Variants in AKAP13 observed in about 807,000 individuals in gnomAD.
AKAP13 encodes the protein A-kinase anchor protein 13.
In AKAP13, 80 loss-of-function variants were observed where a neutral mutation model predicts 264.5. The observed-to-expected ratio is 0.30, with a 90% confidence interval of 0.25 to 0.36. The LOEUF (loss-of-function observed/expected upper bound fraction) is 0.36, where lower values mean the gene tolerates loss of function less well. Among genes scored for constraint, AKAP13 ranks in the 10% least tolerant of loss-of-function variants. The probability of loss-of-function intolerance (pLI) is 1.00; values close to 1 mark genes in which losing one functional copy is unlikely to be tolerated. For synonymous variants in AKAP13, 1,380 were observed against 1,250.2 expected (o/e 1.10, Z -2.19); for missense variants, 3,712 against 3,435.2 (o/e 1.08, Z -2.01).
intron 13 of AKAP13, among the ~76,000 whole-genome samples, chr15:85,665,720 G>A (rs542970938): frequency 6.8e-4 from 103 of 151,786 alleles, no homozygotes; most frequent in African/African-American, 2.3e-3. Flanking sequence ...GATGTTCCCC[G>A]CCCCGTGTCC....
intron 2 of AKAP13, among the ~76,000 whole-genome samples, chr15:85,499,613 CTG>C (rs1256125849): frequency 2.6e-5 from 4 of 152,156 alleles, no homozygotes; most frequent in African/African-American, 9.7e-5. Flanking sequence ...CCATGTGAAA[CTG>C]TTAACGGCAT....
At position 85,580,167 on chromosome 15, in the gene AKAP13, C is replaced by T. The variant is rs754072379; in HGVS notation, c.2099C>T (p.Ser700Leu). 4 of 1,614,206 alleles carry T rather than the reference C, an allele frequency of 2.5e-6. No individual in the cohort carries two copies. Among genetic ancestry groups the T allele is most frequent in the Non-Finnish European group, 3.4e-6 (4 of 1,180,028 alleles). ...SESTTARQPS[S>L]QDPPDASHCE... Reference sequence around the variant, plus strand: ...AGCACCACAGCAAGGCAACCCAGCTCACAAGATCCACCCGATGCCTCCCAC... The same window carrying T: ...AGCACCACAGCAAGGCAACCCAGCTTACAAGATCCACCCGATGCCTCCCAC... Residue 700 changes from serine (S) to leucine (L), a missense_variant, in exon 7 of 37, where the codon TCA becomes TTA. Physicochemically the swap from Ser to Leu is moderately radical, Grantham distance 145. Coordinates refer to ENST00000394518, the MANE Select transcript of AKAP13 (RefSeq NM_007200.5).
chr15:85,664,455 A>G, intron 12 of AKAP13, 108 bp from the exon 13 acceptor site: 6 of 1,139,250 alleles, frequency 5.3e-6, no homozygotes, highest in Non-Finnish European at 7.4e-6. Flanking sequence ...GCTAGCTGAC[A>G]TAGAAATAAT....
chr15:85,584,736 A>G (rs1357732951), intron 7 of AKAP13, among the ~76,000 whole-genome samples: 2 of 152,212 alleles, frequency 1.3e-5, no homozygotes, highest in Non-Finnish European at 2.9e-5. Flanking sequence ...TAAAATCTTA[A>G]TATAATTTAT....
At chr15:85,607,070 T>C (rs2080385830) in intron 8 of AKAP13, among the ~76,000 whole-genome samples, 1 of 151,390 alleles carries the variant, frequency 6.6e-6, no homozygotes, top group Non-Finnish European at 1.5e-5. Context: ...TTTTTTTCTT[T>C]TTTTTTTTTT....
chr15:85,558,636 C>T (rs1010394479), intron 5 of AKAP13, among the ~76,000 whole-genome samples: 2 of 152,196 alleles, frequency 1.3e-5, no homozygotes, highest in Non-Finnish European at 2.9e-5. Context: ...GTATGGAACA[C>T]ATCGCTTCTC....
intron 2 of AKAP13, among the ~76,000 whole-genome samples, chr15:85,500,288 G>C (rs1438087649): frequency 6.6e-6 from 1 of 152,072 alleles, no homozygotes; most frequent in Non-Finnish European, 1.5e-5. Flanking sequence ...GCTTCCGTGT[G>C]GTGTGTGGGT....
intron 1 of AKAP13, among the ~76,000 whole-genome samples, chr15:85,461,328 C>A (rs917124563): frequency 2.0e-5 from 3 of 152,090 alleles, no homozygotes; most frequent in Non-Finnish European, 4.4e-5. Context: ...GTTGGCCAGG[C>A]TGGTCTCAAA....
chr15:85,409,944 A>C (rs1395594884), intron 1 of AKAP13, among the ~76,000 whole-genome samples: 1 of 151,650 alleles, frequency 6.6e-6, no homozygotes, highest in African/African-American at 2.4e-5. Context: ...TGCAGCTAGT[A>C]GTTTTTTAAT....
At chr15:85,652,048 A>T (rs1010574085) in intron 10 of AKAP13, among the ~76,000 whole-genome samples, 1 of 152,246 alleles carries the variant, frequency 6.6e-6, no homozygotes, top group African/African-American at 2.4e-5. Context: ...TAAGAATATT[A>T]TTCTGTGTGA....
At chr15:85,448,083 G>A (rs569876736) in intron 1 of AKAP13, among the ~76,000 whole-genome samples, 1 of 152,156 alleles carries the variant, frequency 6.6e-6, no homozygotes, top group East Asian at 1.9e-4. Context: ...GTGAGTTGAT[G>A]TCTTATTGTG....
intron 27 of AKAP13, 89 bp downstream of exon 27, chr15:85,726,575 C>T: frequency 1.8e-6 from 2 of 1,128,766 alleles, no homozygotes; most frequent in South Asian, 3.0e-5. Flanking sequence ...CTCCCCCGCC[C>T]TCTTAAAATT....
chr15:85,674,056 A>G (rs1597009523), intron 14 of AKAP13, among the ~76,000 whole-genome samples: 1 of 151,970 alleles, frequency 6.6e-6, no homozygotes, highest in South Asian at 2.1e-4. Flanking sequence ...AGATGCTTCA[A>G]ATAATAGAGA....
intron 12 of AKAP13, among the ~76,000 whole-genome samples, chr15:85,660,937 A>G (rs1445266680): frequency 6.6e-6 from 1 of 152,118 alleles, no homozygotes; most frequent in Non-Finnish European, 1.5e-5. Flanking sequence ...CAAAAACCCC[A>G]CTTGACAACA....
Position 85,533,789 on chromosome 15 carries a change from G to C in AKAP13, c.387G>C (p.Val129=). ...LDQSGPPSGD[V]NSLDKKLVLA... Reference sequence around the variant, plus strand: ...AGTCAGGACCCCCATCTGGGGATGTGAATTCCCTTGATAAGAAGTTGGTGC... The same window carrying C: ...AGTCAGGACCCCCATCTGGGGATGTCAATTCCCTTGATAAGAAGTTGGTGC... Residue 129 remains valine, a synonymous_variant, in exon 4 of 37, where the codon GTG becomes GTC. Coordinates refer to ENST00000394518, the MANE Select transcript of AKAP13 (RefSeq NM_007200.5). 6.2e-7 allele frequency: 1 copy of C among 1,614,020 alleles called. No homozygotes were observed. The highest frequency in any genetic ancestry group is 8.5e-7 in the Non-Finnish European group (1 of 1,179,930).
At chr15:85,471,624 T>C (rs1228464901) in intron 1 of AKAP13, among the ~76,000 whole-genome samples, 1 of 152,240 alleles carries the variant, frequency 6.6e-6, no homozygotes, top group Admixed American at 6.5e-5. Context: ...ACCACCACAA[T>C]CAGCAAATAG....
At chr15:85,592,080 G>A (rs1596633253) in intron 8 of AKAP13, among the ~76,000 whole-genome samples, 1 of 112,100 alleles carries the variant, frequency 8.9e-6, no homozygotes, top group African/African-American at 3.4e-5. Context: ...CAATTATACA[G>A]CCAAACATCA....
intron 1 of AKAP13, among the ~76,000 whole-genome samples, chr15:85,447,202 G>A (rs1287048853): frequency 6.6e-6 from 1 of 152,144 alleles, no homozygotes; most frequent in African/African-American, 2.4e-5. Flanking sequence ...GGGAGGTGGA[G>A]GTTGTAGTGA....
intron 1 of AKAP13, among the ~76,000 whole-genome samples, chr15:85,433,920 G>C (rs552510436): frequency 1.3e-5 from 2 of 150,180 alleles, no homozygotes; most frequent in East Asian, 3.9e-4. Flanking sequence ...CAGCCTGGGT[G>C]ACAGAGCGAG....
Sources: allele counts gnomAD v4.1 joint callset (sites outside exome capture counted in the v4.1 genomes callset), GRCh38; gene constraint gnomAD v4.1.1; transcripts MANE v1.5; gene names NCBI Gene and HGNC (gene_info 2026-07-23, HGNC 2026-07-21).